Variants in MDGA2 observed in about 807,000 individuals in gnomAD.
MDGA2 encodes the protein MAM domain-containing glycosylphosphatidylinositol anchor protein 2.
A neutral mutation model predicts 117.8 loss-of-function variants in MDGA2; 40 were observed. That is an observed-to-expected ratio of 0.34 (90% CI 0.26 to 0.44). The LOEUF (loss-of-function observed/expected upper bound fraction) is 0.44, where lower values mean the gene tolerates loss of function less well. Ranked by LOEUF, MDGA2 falls within the 20% of genes least tolerant of loss-of-function variation. The probability of loss-of-function intolerance (pLI) is 1.00; values close to 1 mark genes in which losing one functional copy is unlikely to be tolerated. For synonymous variants in MDGA2, 452 were observed against 439.0 expected (o/e 1.03, Z -0.37); for missense variants, 1,123 against 1,250.6 (o/e 0.90, Z 1.54).
rs188416182 is a variant in MDGA2, at chr14:47,047,745, A to G, written c.1526-12441T>C. Reference sequence around the variant, plus strand: ...TTTCTATATAGATTTTGTTTTATTCATACTTATGATGTCTCGAGTACTGAG... The same window carrying G: ...TTTCTATATAGATTTTGTTTTATTCGTACTTATGATGTCTCGAGTACTGAG... On this transcript the variant is annotated intron_variant, in intron 7 of 16. Transcript: ENST00000399232. Among the ~76,000 whole-genome samples the G allele has an allele frequency of 1.4e-4, 22 of 152,096 alleles. No homozygotes were observed. The South Asian group carries it at 1.9e-3, about 13-fold the overall frequency.
intron 1 of MDGA2, among the ~76,000 whole-genome samples, chr14:47,513,471 C>A (rs943703976): frequency 1.3e-5 from 2 of 151,946 alleles, no homozygotes; most frequent in Non-Finnish European, 2.9e-5. Context: ...CTTTTCCTAC[C>A]CACTCATTCA....
Position 47,011,981 on chromosome 14 carries a change from T to C in MDGA2, c.1819+23030A>G, listed in dbSNP as rs190822065. 7.2e-5 allele frequency among the ~76,000 whole-genome samples: 7 copies of C among 96,904 alleles called. No homozygotes were observed. The East Asian group carries it at 2.7e-3, about 37-fold the overall frequency. The allele number at this position is 96,904 out of a possible 152,430, so 63.6% of individuals were successfully genotyped here. On this transcript the variant is annotated intron_variant, in intron 8 of 16. Transcript: ENST00000399232. ...TTCAGTTGAGTATGTGCTATTGTCA[T>C]CAGCACCTTCCTGAATTGTGTCATC...
At chr14:47,067,636 A>G (rs923011320) in intron 6 of MDGA2, among the ~76,000 whole-genome samples, 1 of 152,162 alleles carries the variant, frequency 6.6e-6, no homozygotes, top group Non-Finnish European at 1.5e-5. Context: ...AAATTAACTT[A>G]CCAGTTTGTT....
intron 2 of MDGA2, among the ~76,000 whole-genome samples, chr14:47,270,346 C>G (rs894090076): frequency 6.6e-6 from 1 of 152,092 alleles, no homozygotes; most frequent in African/African-American, 2.4e-5. Context: ...GTTCCATAAA[C>G]TAGAGACTGC....
At chr14:47,147,260 T>C (rs889036874) in intron 3 of MDGA2, among the ~76,000 whole-genome samples, 2 of 151,570 alleles carry the variant, frequency 1.3e-5, no homozygotes, top group African/African-American at 2.4e-5. Flanking sequence ...ACTAAATATA[T>C]ATTGAATATT....
intron 1 of MDGA2, among the ~76,000 whole-genome samples, chr14:47,517,085 A>G (rs1321875899): frequency 6.6e-6 from 1 of 152,228 alleles, no homozygotes; most frequent in Non-Finnish European, 1.5e-5. Context: ...ATATGTCAAT[A>G]AATGTTTTCA....
intron 8 of MDGA2, among the ~76,000 whole-genome samples, chr14:47,018,066 G>C (rs1888146445): frequency 1.3e-5 from 2 of 152,130 alleles, no homozygotes; most frequent in South Asian, 2.1e-4. Context: ...ATAAAGAGAA[G>C]TAAAAAGTGT....
At chr14:47,027,726 G>A (rs956740363) in intron 8 of MDGA2, among the ~76,000 whole-genome samples, 4 of 151,280 alleles carry the variant, frequency 2.6e-5, no homozygotes, top group African/African-American at 9.7e-5. Context: ...TTGCCCCTTA[G>A]TTATATATCA....
chr14:47,633,302 A>G (rs572347587), intron 1 of MDGA2, among the ~76,000 whole-genome samples: 1 of 152,258 alleles, frequency 6.6e-6, no homozygotes, highest in Non-Finnish European at 1.5e-5. Context: ...AGATGAGCCC[A>G]TAAGAACACC....
At chr14:46,983,753 T>C (rs967057039) in intron 8 of MDGA2, among the ~76,000 whole-genome samples, 57 of 152,190 alleles carry the variant, frequency 3.7e-4, no homozygotes, top group Non-Finnish European at 6.5e-4. Flanking sequence ...GTGGTAACTT[T>C]TCACTAACAT....
At chr14:47,625,544 T>C (rs950617214) in intron 1 of MDGA2, among the ~76,000 whole-genome samples, 2 of 152,158 alleles carry the variant, frequency 1.3e-5, no homozygotes, top group Admixed American at 6.5e-5. Context: ...AATTGCCCCA[T>C]GACTTTGGAT....
intron 3 of MDGA2, among the ~76,000 whole-genome samples, chr14:47,172,346 C>A (rs1884189608): frequency 6.6e-6 from 1 of 152,130 alleles, no homozygotes; most frequent in Non-Finnish European, 1.5e-5. Flanking sequence ...ACTGCCTCCT[C>A]AAGTGGGTCC....
intron 14 of MDGA2, among the ~76,000 whole-genome samples, chr14:46,861,555 A>C (rs182883250): frequency 6.6e-6 from 1 of 152,082 alleles, no homozygotes; most frequent in East Asian, 1.9e-4. Flanking sequence ...AGGTTTGAGA[A>C]TAGGCTAAAC....
chr14:46,859,811 G>A (rs979544659), intron 14 of MDGA2, among the ~76,000 whole-genome samples: 7 of 151,726 alleles, frequency 4.6e-5, no homozygotes, highest in Non-Finnish European at 7.4e-5. Flanking sequence ...TAATATATAC[G>A]CTTCACAATA....
At chr14:47,361,753 G>A (rs191885129) in intron 1 of MDGA2, among the ~76,000 whole-genome samples, 1 of 152,120 alleles carries the variant, frequency 6.6e-6, no homozygotes, top group East Asian at 1.9e-4. Context: ...TTTGAACTGA[G>A]GACTCAGTTG....
intron 1 of MDGA2, among the ~76,000 whole-genome samples, chr14:47,592,864 A>T (rs954841998): frequency 6.6e-6 from 1 of 152,240 alleles, no homozygotes; most frequent in Non-Finnish European, 1.5e-5. Flanking sequence ...AAGTAATTGC[A>T]ACAAAAGTAA....
At chr14:47,641,218 G>A (rs144504221) in intron 1 of MDGA2, among the ~76,000 whole-genome samples, 3 of 152,162 alleles carry the variant, frequency 2.0e-5, no homozygotes, top group African/African-American at 4.8e-5. Flanking sequence ...AGGCTTGCCA[G>A]GGATACAGAT....
chr14:47,224,851 G>A (rs569665606), intron 2 of MDGA2, among the ~76,000 whole-genome samples: 153 of 152,194 alleles, frequency 1.0e-3, no homozygotes, highest in African/African-American at 3.5e-3. Flanking sequence ...TTATCCTTTT[G>A]TCCTGCACTG....
At chr14:47,421,782 C>T (rs946577835) in intron 1 of MDGA2, among the ~76,000 whole-genome samples, 3 of 152,040 alleles carry the variant, frequency 2.0e-5, no homozygotes, top group African/African-American at 4.8e-5. Context: ...AGAGAACTCT[C>T]GCATTGCAAA....
Sources: allele counts gnomAD v4.1 joint callset (sites outside exome capture counted in the v4.1 genomes callset), GRCh38; gene constraint gnomAD v4.1.1; transcripts MANE v1.5; gene names NCBI Gene and HGNC (gene_info 2026-07-23, HGNC 2026-07-21).